Variants in CDH12 observed in about 807,000 individuals in gnomAD.
CDH12 encodes cadherin-12.
A neutral mutation model predicts 74.1 loss-of-function variants in CDH12; 41 were observed. The observed-to-expected ratio is 0.55, with a 90% CI of 0.43 to 0.72. The LOEUF is 0.72. CDH12 is among the 30% of genes least tolerant of loss of function. The pLI, the probability that CDH12 is intolerant of heterozygous loss-of-function variation, is 0.00. For synonymous variants in CDH12, 399 were observed against 355.0 expected, an observed-to-expected ratio of 1.12 and a Z score of -1.39; for missense variants, 945 against 977.2, an observed-to-expected ratio of 0.97 and a Z score of 0.44.
At chr5:22,541,891 C>T (rs1328197267) in intron 1 of CDH12, among the ~76,000 whole-genome samples, 1 of 152,130 alleles carries the variant, frequency 6.6e-6, no homozygotes, top group Admixed American at 6.5e-5. Context: ...GGACTTGAAC[C>T]CAGTGTCAAC....
intron 3 of CDH12, among the ~76,000 whole-genome samples, chr5:22,318,632 T>C (rs1561308985): frequency 1.3e-5 from 2 of 152,174 alleles, no homozygotes. Flanking sequence ...CCTGAAGCCA[T>C]TGCCTTCTCA....
At chr5:22,355,829 G>A (rs1246622003) in intron 3 of CDH12, among the ~76,000 whole-genome samples, 5 of 152,028 alleles carry the variant, frequency 3.3e-5, no homozygotes, top group African/African-American at 1.2e-4. Flanking sequence ...ACACACACAT[G>A]CACAAATGTG....
intron 1 of CDH12, among the ~76,000 whole-genome samples, chr5:22,678,387 A>C (rs1741324444): frequency 6.6e-6 from 1 of 152,038 alleles, no homozygotes; most frequent in Non-Finnish European, 1.5e-5. Context: ...CAAATACAAA[A>C]ATTTCAAAAT....
At chr5:22,196,776 C>T (rs1750641954) in intron 4 of CDH12, among the ~76,000 whole-genome samples, 2 of 152,136 alleles carry the variant, frequency 1.3e-5, no homozygotes, top group African/African-American at 4.8e-5. Context: ...CAATCTCAGC[C>T]TAAAGTTCTT....
chr5:21,754,180 T>C (rs1031311726), intron 14 of CDH12, among the ~76,000 whole-genome samples: 2 of 152,096 alleles, frequency 1.3e-5, no homozygotes, highest in African/African-American at 4.8e-5. Context: ...GGTTGTGATT[T>C]TTACAGTCTT....
chr5:21,852,894 A>G (rs1022495147), intron 7 of CDH12, among the ~76,000 whole-genome samples: 2 of 151,284 alleles, frequency 1.3e-5, no homozygotes, highest in African/African-American at 4.8e-5. Flanking sequence ...ATTATAGCAA[A>G]CCTCAAAAGG....
At chr5:21,782,435 T>G (rs1745966331) in intron 11 of CDH12, among the ~76,000 whole-genome samples, 1 of 152,178 alleles carries the variant, frequency 6.6e-6, no homozygotes, top group East Asian at 1.9e-4. Flanking sequence ...TGTTTGATGT[T>G]TACATTCCCA....
intron 1 of CDH12, among the ~76,000 whole-genome samples, chr5:22,709,594 T>C (rs1743193631): frequency 1.3e-5 from 2 of 152,222 alleles, no homozygotes; most frequent in African/African-American, 4.8e-5. Context: ...TTATAAAAAT[T>C]AATCTTAAAT....
chr5:22,372,651 A>G (rs1399119960), intron 3 of CDH12, among the ~76,000 whole-genome samples: 2 of 152,122 alleles, frequency 1.3e-5, no homozygotes, highest in Non-Finnish European at 2.9e-5. Context: ...CTCACTGCCA[A>G]TGATGCTTCG....
chr5:22,792,832 G>A lies in CDH12; in HGVS notation c.-523+60226C>T, dbSNP rs1325464131. ...AATTACACTGGATATCTCTCCTGGT[G>A]TCATTCATAGATATTTCATCACCAT... On this transcript the variant is annotated intron_variant, in intron 1 of 14. Coordinates refer to ENST00000382254, the MANE Select transcript of CDH12 (RefSeq NM_004061.5). 2.0e-5 allele frequency among the ~76,000 whole-genome samples: 3 copies of A among 152,128 alleles called. No individual in the cohort carries two copies. In the East Asian group the frequency reaches 5.8e-4, roughly 29 times the overall value.
At chr5:22,470,606 A>G (rs776793423) in intron 2 of CDH12, among the ~76,000 whole-genome samples, 12 of 151,938 alleles carry the variant, frequency 7.9e-5, no homozygotes, top group Non-Finnish European at 1.5e-4. Flanking sequence ...ATTTTTGTAG[A>G]GATAAGGTCT....
At chr5:22,197,444 C>A (rs929773221) in intron 4 of CDH12, among the ~76,000 whole-genome samples, 5 of 151,928 alleles carry the variant, frequency 3.3e-5, no homozygotes, top group Admixed American at 1.3e-4. Flanking sequence ...GAGACACCGT[C>A]TCAAAATAAA....
At chr5:22,826,664 G>T (rs1736344793) in intron 1 of CDH12, among the ~76,000 whole-genome samples, 1 of 152,160 alleles carries the variant, frequency 6.6e-6, no homozygotes, top group Admixed American at 6.6e-5. Flanking sequence ...GAACTTGTTG[G>T]GAACTGGAGC....
intron 5 of CDH12, among the ~76,000 whole-genome samples, chr5:22,072,751 C>T (rs1055380451): frequency 6.6e-6 from 1 of 151,888 alleles, no homozygotes; most frequent in Non-Finnish European, 1.5e-5. Flanking sequence ...GTGATGTTCC[C>T]CTTTCTGTGT....
chr5:22,095,379 G>A (rs760970890), intron 4 of CDH12, among the ~76,000 whole-genome samples: 26 of 152,030 alleles, frequency 1.7e-4, no homozygotes, highest in Non-Finnish European at 3.4e-4. Context: ...AAACTCCGGC[G>A]CCGGTCATGG....
At chr5:22,094,354 C>T (rs971902013) in intron 4 of CDH12, among the ~76,000 whole-genome samples, 2 of 152,074 alleles carry the variant, frequency 1.3e-5, no homozygotes, top group Admixed American at 6.6e-5. Context: ...CTGCTCTTTA[C>T]GGAGAACCAC....
chr5:22,731,481 T>G (rs1744429391), intron 1 of CDH12, among the ~76,000 whole-genome samples: 1 of 151,894 alleles, frequency 6.6e-6, no homozygotes, highest in African/African-American at 2.4e-5. Flanking sequence ...TAATGAAAGT[T>G]AAAATGTGAA....
chr5:22,523,783 AC>A (rs1333840768), intron 1 of CDH12, among the ~76,000 whole-genome samples: 1 of 151,600 alleles, frequency 6.6e-6, no homozygotes, highest in Non-Finnish European at 1.5e-5. Context: ...TTTTCTTTCC[AC>A]CCTGACCTCT....
rs187330796 is a variant in CDH12 at position 22,837,147 on chromosome 5, G to A, written c.-523+15911C>T. Among the ~76,000 whole-genome samples the A allele has an allele frequency of 1.6e-4, 25 of 152,238 alleles. No individual in the cohort carries two copies. In the East Asian group the frequency reaches 3.7e-3, roughly 22 times the overall value. On this transcript the variant is annotated intron_variant, in intron 1 of 14. Coordinates refer to ENST00000382254, the MANE Select transcript of CDH12 (RefSeq NM_004061.5). ...AAAATAATCCCAAATAGGCAGGTAT[G>A]GTGGCTTATGCCTGTAATCCCAGCA...
Sources: allele counts gnomAD v4.1 joint callset (sites outside exome capture counted in the v4.1 genomes callset), GRCh38; gene constraint gnomAD v4.1.1; transcripts MANE v1.5; gene names NCBI Gene and HGNC (gene_info 2026-07-23, HGNC 2026-07-21).